BTRC: variants seen among roughly 807,000 people sequenced by gnomAD.
BTRC encodes beta-transducin repeat containing E3 ubiquitin protein ligase.
Under a neutral mutation model 85.5 loss-of-function variants are expected in BTRC, and 42 were observed. The ratio of observed to expected loss-of-function variants is 0.49; its 90% CI spans 0.38 to 0.64. The LOEUF is 0.64. BTRC is among the 30% of genes least tolerant of loss of function. The pLI is 0.00. For synonymous variants in BTRC, 255 were observed against 263.3 expected, an observed-to-expected ratio of 0.97 and a Z score of 0.30; for missense variants, 594 against 743.5, an observed-to-expected ratio of 0.80 and a Z score of 2.34.
intron 6 of BTRC, among the ~76,000 whole-genome samples, chr10:101,528,968 TTC>T (rs1381072320): frequency 1.3e-5 from 2 of 152,226 alleles, no homozygotes; most frequent in Admixed American, 1.3e-4. Context: ...CTCTGTAGTT[TTC>T]TCTCTTGAAT....
Position 101,534,813 on chromosome 10 carries a change from C to A in BTRC, c.1250C>A (p.Thr417Asn). 6.2e-7 allele frequency: 1 copy of A among 1,614,138 alleles called. No homozygotes were observed. Among genetic ancestry groups the A allele is most frequent in the Non-Finnish European group, 8.5e-7 (1 of 1,180,026 alleles). Reference protein sequence around the residue: ...VWDMASPTDITLRRVLVGHRA... With the variant: ...VWDMASPTDINLRRVLVGHRA... ...GATATGGCCTCCCCAACTGACATTA[C>A]CCTCCGGAGGGTGCTGGTCGGACAC... The change falls in exon 10 of 15, where the codon ACC becomes AAC. Residue 417 changes from threonine (T) to asparagine (N), a missense_variant. Transcript: ENST00000370187.
intron 1 of BTRC, among the ~76,000 whole-genome samples, chr10:101,396,226 G>C (rs1452460079): frequency 6.6e-6 from 1 of 150,388 alleles, no homozygotes; most frequent in Non-Finnish European, 1.5e-5. Flanking sequence ...TGGATATGGT[G>C]ATCTAGTAGC....
intron 2 of BTRC, among the ~76,000 whole-genome samples, chr10:101,436,005 C>G (rs1437074610): frequency 6.6e-6 from 1 of 152,000 alleles, no homozygotes; most frequent in Admixed American, 6.6e-5. Flanking sequence ...CAAATTGAAA[C>G]CACAGCATTG....
chr10:101,504,795 A>G (rs1054211155), intron 4 of BTRC, among the ~76,000 whole-genome samples: 9 of 151,496 alleles, frequency 5.9e-5, no homozygotes, highest in African/African-American at 2.2e-4. Context: ...TCTGTCCTCC[A>G]GGATCAGATC....
At chr10:101,543,379 ATTC>A (rs2062502135) in intron 13 of BTRC, among the ~76,000 whole-genome samples, 1 of 150,308 alleles carries the variant, frequency 6.7e-6, no homozygotes, top group Non-Finnish European at 1.5e-5. Context: ...ATCTTACTAT[ATTC>A]TTTTACTTTT....
chr10:101,527,781 C>G (rs2062215577), intron 6 of BTRC, among the ~76,000 whole-genome samples: 1 of 144,446 alleles, frequency 6.9e-6, no homozygotes, highest in African/African-American at 2.5e-5. Flanking sequence ...CTCTCTCTCT[C>G]TCTCTCTCTC....
intron 1 of BTRC, among the ~76,000 whole-genome samples, chr10:101,386,476 A>G (rs1943082250): frequency 6.6e-6 from 1 of 152,238 alleles, no homozygotes. Context: ...AGCTCATTCA[A>G]GAAAGACTTT....
chr10:101,506,757 A>G lies in BTRC; in HGVS notation c.325-14882A>G, dbSNP rs190317513. On this transcript the variant is annotated intron_variant, in intron 4 of 14. Transcript: ENST00000370187. ...GGCAAGGCTAGATGAAGTGCTCTAA[A>G]CAACTGAAGTTTACTTATTTCCTAG... is the stretch of plus-strand genomic sequence containing the variant. Among the ~76,000 whole-genome samples the G allele has an allele frequency of 2.4e-4, 36 of 152,354 alleles. No individual in the cohort carries two copies. The East Asian group carries it at 6.0e-3, about 25-fold the overall frequency.
chr10:101,377,918 G>T (rs1166946148), intron 1 of BTRC, among the ~76,000 whole-genome samples: 1 of 151,656 alleles, frequency 6.6e-6, no homozygotes, highest in African/African-American at 2.4e-5. Context: ...AACACTTGTG[G>T]CCTTTAATAA....
chr10:101,406,338 G>A (rs1263484732), intron 1 of BTRC, among the ~76,000 whole-genome samples: 2 of 151,256 alleles, frequency 1.3e-5, no homozygotes, highest in African/African-American at 2.4e-5. Context: ...CACTACGCCC[G>A]GCTAACATTT....
intron 13 of BTRC, among the ~76,000 whole-genome samples, chr10:101,541,044 A>G (rs1349391102): frequency 6.6e-6 from 1 of 151,528 alleles, no homozygotes; most frequent in Non-Finnish European, 1.5e-5. Context: ...ATACATAGAA[A>G]TATACTTTTA....
intron 13 of BTRC, among the ~76,000 whole-genome samples, chr10:101,546,366 G>A (rs956325489): frequency 1.3e-4 from 20 of 152,184 alleles, no homozygotes; most frequent in East Asian, 3.9e-4. Flanking sequence ...TAAATAACAC[G>A]TAGGTCAAGA....
At chr10:101,530,513 A>G (rs1051435546) in intron 6 of BTRC, among the ~76,000 whole-genome samples, 1 of 152,104 alleles carries the variant, frequency 6.6e-6, no homozygotes, top group African/African-American at 2.4e-5. Flanking sequence ...AAAAAAACCT[A>G]TAGGGCATGT....
At chr10:101,548,461 C>G (rs1227671145) in intron 13 of BTRC, among the ~76,000 whole-genome samples, 1 of 152,174 alleles carries the variant, frequency 6.6e-6, no homozygotes, top group African/African-American at 2.4e-5. Flanking sequence ...CTAAAAGAAG[C>G]CAGGCATGAG....
chr10:101,437,800 T>A (rs1317278724), intron 2 of BTRC, among the ~76,000 whole-genome samples: 1 of 152,186 alleles, frequency 6.6e-6, no homozygotes. Flanking sequence ...TGCAGTGTGT[T>A]CTTTTATATA....
At chr10:101,507,200 A>C (rs962258497) in intron 4 of BTRC, among the ~76,000 whole-genome samples, 2 of 152,110 alleles carry the variant, frequency 1.3e-5, no homozygotes, top group Non-Finnish European at 2.9e-5. Context: ...AACAGTACGT[A>C]GAAAGTTAAC....
intron 11 of BTRC, among the ~76,000 whole-genome samples, chr10:101,535,775 A>C (rs1046525836): frequency 6.6e-6 from 1 of 152,230 alleles, no homozygotes; most frequent in African/African-American, 2.4e-5. Flanking sequence ...ACTAGAAATT[A>C]TGTAATTTTT....
chr10:101,546,438 T>C (rs1344603539), intron 13 of BTRC, among the ~76,000 whole-genome samples: 2 of 152,140 alleles, frequency 1.3e-5, no homozygotes, highest in African/African-American at 4.8e-5. Context: ...TTTTTGTGGG[T>C]ACATAGTAGG....
At chr10:101,394,344 C>T (rs1291724115) in intron 1 of BTRC, among the ~76,000 whole-genome samples, 1 of 152,022 alleles carries the variant, frequency 6.6e-6, no homozygotes, top group Admixed American at 6.6e-5. Context: ...TATTTTGTAT[C>T]TTGGAGGTTG....
Sources: gnomAD v4.1 joint callset for allele counts (sites outside exome capture counted in the v4.1 genomes callset) on GRCh38, gnomAD v4.1.1 for gene constraint, MANE v1.5 for transcripts, NCBI Gene and HGNC (gene_info 2026-07-23, HGNC 2026-07-21) for gene names.